MRPL4: variants seen among roughly 807,000 people sequenced by gnomAD.
MRPL4 encodes the protein mitochondrial ribosomal protein L4, also known as large ribosomal subunit protein uL4m.
In MRPL4, 34 loss-of-function variants were observed where a neutral mutation model predicts 34.1. The observed-to-expected ratio is 1.00, with a 90% CI of 0.76 to 1.33. The LOEUF is 1.33. MRPL4 is among the 40% of genes most tolerant of loss of function. The pLI, the probability that MRPL4 is intolerant of heterozygous loss-of-function variation, is 0.00. For missense variants in MRPL4, 402 were observed against 434.6 expected (o/e 0.92, Z 0.67); for synonymous variants, 196 against 188.3 (o/e 1.04, Z -0.33).
Position 10,252,326 on chromosome 19 carries a change from G to A in MRPL4, c.57+16G>A. 6.2e-6 allele frequency: 10 copies of A among 1,612,684 alleles called. No individual in the cohort carries two copies. The highest frequency in any genetic ancestry group is 8.5e-6 in the Non-Finnish European group (10 of 1,178,872). On this transcript the variant is annotated intron_variant, in intron 1 of 8. Transcript: ENST00000253099. ...CGGCAGCCAGGTGAGGCCAGGGGCT[G>A]GAGGCGTGGTCGAAGGATGAAATTT...
chr19:10,254,751 C>T, intron 4 of MRPL4, 111 bp downstream of exon 4: 1 of 1,107,810 alleles, frequency 9.0e-7, no homozygotes, highest in South Asian at 1.4e-5. Context: ...CGGCTGGGGC[C>T]TCATCTGTCT....
chr19:10,254,482 A>G lies in MRPL4; in HGVS notation c.276-107A>G, dbSNP rs544674743. ...TGGGGTCAGTGAGGGGCAGAGGCAAATCGCCCAGGGCCCTGGAGGCAGAAG... is the reference window on the plus strand; with the variant it reads ...TGGGGTCAGTGAGGGGCAGAGGCAAGTCGCCCAGGGCCCTGGAGGCAGAAG... On this transcript the variant is annotated intron_variant, in intron 3 of 8. Coordinates refer to ENST00000253099, the MANE Select transcript of MRPL4 (RefSeq NM_015956.3). 16 of 1,334,020 alleles carry G rather than the reference A, an allele frequency of 1.2e-5. No individual in the cohort carries two copies. In the South Asian group the frequency reaches 2.1e-4, roughly 17 times the overall value. 82.6% of individuals were successfully genotyped at this position (1,334,020 alleles called of 1,614,324 possible). A position where few individuals can be genotyped will look rare whatever the true frequency, so the allele number is the denominator to read the frequency against.
At chr19:10,259,467 G>A in intron 8 of MRPL4, 150 bp from the exon 9 acceptor site, 1 of 1,439,878 alleles carries the variant, frequency 6.9e-7, no homozygotes, top group Non-Finnish European at 9.1e-7. Context: ...GGCCAGGCAG[G>A]GTCTGGCCCC....
At chr19:10,254,953 C>T (rs538385281) in intron 4 of MRPL4, 3 of 189,678 alleles carry the variant, frequency 1.6e-5, no homozygotes, top group South Asian at 2.0e-4. Flanking sequence ...TACAGGTGTG[C>T]ACCACCATGC....
intron 5 of MRPL4, among the ~76,000 whole-genome samples, chr19:10,257,056 T>C (rs1012830499): frequency 6.6e-6 from 1 of 152,096 alleles, no homozygotes; most frequent in African/African-American, 2.4e-5. Context: ...TCGCATGCCC[T>C]GTCTCTTCAG....
chr19:10,254,080 A>G (rs758523578), intron 3 of MRPL4, among the ~76,000 whole-genome samples: 1 of 151,970 alleles, frequency 6.6e-6, no homozygotes, highest in Non-Finnish European at 1.5e-5. Context: ...GTGCAATGGC[A>G]TGCTCTCAGC....
rs1281628518 is a variant in MRPL4, at chr19:10,256,332, G to A, written c.328-376G>A. Among the ~76,000 whole-genome samples, 5 of 152,172 alleles carry A rather than the reference G, an allele frequency of 3.3e-5. No homozygotes were observed. The East Asian group carries it at 7.7e-4, about 24-fold the overall frequency. ...ATGGTGACAGGCACCCGTAATCTCA[G>A]CTACTAGGGAGGCTGAGGCAGGAGA... On this transcript the variant is annotated intron_variant, in intron 4 of 8. Transcript: ENST00000253099.
At chr19:10,259,098 C>CAA (rs35481360) in intron 8 of MRPL4, 10,015 of 539,562 alleles carry the variant, frequency 0.019, 471 homozygotes, top group South Asian at 0.022. Flanking sequence ...ACTCTTGTCT[C>CAA]AAAAAAAAAA....
At position 10,259,840 on chromosome 19, in the gene MRPL4, C is replaced by A; in HGVS notation, c.*27C>A. The A allele has an allele frequency of 1.3e-6, 2 of 1,575,282 alleles. No homozygotes were observed. Among genetic ancestry groups the A allele is most frequent in the Non-Finnish European group, 1.7e-6 (2 of 1,154,380 alleles). ...GTGAAGCACCTCTTCTGAGCCAGGC[C>A]GAGCCCCTGGCCGACTTGGGAGCCT... On this transcript the variant is annotated 3_prime_UTR_variant, in exon 9 of 9. Coordinates refer to ENST00000253099, the MANE Select transcript of MRPL4 (RefSeq NM_015956.3).
At chr19:10,253,320 C>CA (rs569300605) in intron 3 of MRPL4, among the ~76,000 whole-genome samples, 4,074 of 149,862 alleles carry the variant, frequency 0.027, 145 homozygotes, top group African/African-American at 0.083. Flanking sequence ...ACTAAAAATA[C>CA]AAAAAAAAAT....
Position 10,252,520 on chromosome 19 carries a change from C to A in MRPL4, c.125-31C>A, listed in dbSNP as rs754194319. 3.7e-6 allele frequency: 6 copies of A among 1,613,594 alleles called. No homozygotes were observed. The South Asian group carries it at 4.4e-5, about 12-fold the overall frequency. ...GGCGACAGAGAGGTCTGACCCTTGA[C>A]CCTAACCTCTGACCCCCGCAATCGC... On this transcript the variant is annotated intron_variant, in intron 2 of 8. Transcript: ENST00000253099.
intron 3 of MRPL4, among the ~76,000 whole-genome samples, chr19:10,254,057 C>T (rs753196542): frequency 5.9e-5 from 9 of 152,032 alleles, no homozygotes; most frequent in East Asian, 1.9e-4. Context: ...TCGCTCTTGT[C>T]GCCCAGGCTG....
In MRPL4 at chr19:10,258,265, C is replaced by T; in HGVS notation, c.489C>T (p.Tyr163=). The T allele has an allele frequency of 6.2e-7, 1 of 1,614,176 alleles. No homozygotes were observed. The highest frequency in any genetic ancestry group is 8.5e-7 in the Non-Finnish European group (1 of 1,180,044). ...HGPRGPTSYY[Y]MLPMKVRALG... The stretch of plus-strand genomic sequence containing the variant: ...CCCGGGGCCCCACAAGTTACTACTA[C>T]ATGCTGCCCATGAAGGTGCGGGCGC... The change falls in exon 6 of 9, where the codon TAC becomes TAT. Residue 163 remains tyrosine (Y), a synonymous_variant. Transcript: ENST00000253099.
chr19:10,259,186 CATG>C (rs1384039275), intron 8 of MRPL4: 1 of 1,242,158 alleles, frequency 8.1e-7, no homozygotes, highest in Admixed American at 4.0e-5. Flanking sequence ...AAGATGGCGA[CATG>C]AGCCTAAGTC....
At chr19:10,255,874 G>A (rs1031065083) in intron 4 of MRPL4, among the ~76,000 whole-genome samples, 8 of 152,072 alleles carry the variant, frequency 5.3e-5, no homozygotes, top group African/African-American at 9.7e-5. Flanking sequence ...AGGCCGGCAC[G>A]GTGGCTCACA....
chr19:10,260,006 C>T lies in MRPL4; in HGVS notation c.*193C>T, dbSNP rs1317431819. The T allele has an allele frequency of 4.3e-6, 2 of 464,424 alleles. No individual in the cohort carries two copies. Among genetic ancestry groups the T allele is most frequent in the Non-Finnish European group, 7.5e-6 (2 of 266,358 alleles). 28.8% of individuals were successfully genotyped at this position (464,424 alleles called of 1,614,324 possible). ...CCCAGACGGGCTTCTGCATCCATTCCCTCTTTTTGTTTTTAAAATAAATTG... is the reference window on the plus strand; with the variant it reads ...CCCAGACGGGCTTCTGCATCCATTCTCTCTTTTTGTTTTTAAAATAAATTG... On this transcript the variant is annotated 3_prime_UTR_variant, in exon 9 of 9. Transcript: ENST00000253099.
In MRPL4 at chr19:10,253,935, G is replaced by C. The variant is rs1002235951; in HGVS notation, c.276-654G>C. Reference sequence around the variant, plus strand: ...GTATGGAATGGTATAGAACTAGAGAGGAAAACCAGTCCCTGAAGAAGGTGG... The same window carrying C: ...GTATGGAATGGTATAGAACTAGAGACGAAAACCAGTCCCTGAAGAAGGTGG... On this transcript the variant is annotated intron_variant, in intron 3 of 8. Coordinates refer to ENST00000253099, the MANE Select transcript of MRPL4 (RefSeq NM_015956.3). Among the ~76,000 whole-genome samples, 17 of 152,272 alleles carry C rather than the reference G, an allele frequency of 1.1e-4. No individual in the cohort carries two copies. In the South Asian group the frequency reaches 1.7e-3, roughly 15 times the overall value.
At chr19:10,252,038 C>T (rs375847665), upstream of MRPL4, 1 of 573,476 alleles carries the variant, frequency 1.7e-6, no homozygotes, top group East Asian at 3.2e-5. Context: ...ACGGAGGGTC[C>T]TTGAGGCAGG....
intron 4 of MRPL4, chr19:10,254,888 T>TC (rs2039834342): frequency 3.3e-6 from 1 of 304,858 alleles, no homozygotes; most frequent in South Asian, 4.4e-5. Flanking sequence ...CACTGCAACC[T>TC]CCGCTTCCTG....
Sources: allele counts gnomAD v4.1 joint callset (sites outside exome capture counted in the v4.1 genomes callset), GRCh38; gene constraint gnomAD v4.1.1; transcripts MANE v1.5; gene names NCBI Gene and HGNC (gene_info 2026-07-23, HGNC 2026-07-21).